RBFOX1: variants seen among roughly 807,000 people sequenced by gnomAD.
RBFOX1 encodes the protein RNA binding fox-1 homolog 1.
In RBFOX1, 8 loss-of-function variants were observed where a neutral mutation model predicts 57.7. That is an observed-to-expected ratio of 0.14 (90% CI 0.08 to 0.25). The LOEUF is 0.25. Ranked by LOEUF, RBFOX1 falls within the 10% of genes least tolerant of loss-of-function variation. The probability of loss-of-function intolerance (pLI) is 1.00; values close to 1 mark genes in which losing one functional copy is unlikely to be tolerated. For synonymous variants in RBFOX1, 326 were observed against 222.4 expected (o/e 1.47, Z -4.15); for missense variants, 611 against 548.5 (o/e 1.11, Z -1.14).
At chr16:5,847,656 A>G (rs985593082) in intron 3 of RBFOX1, among the ~76,000 whole-genome samples, 2 of 152,108 alleles carry the variant, frequency 1.3e-5, no homozygotes, top group East Asian at 1.9e-4. Context: ...GTGAAGCTAT[A>G]TGGCCCTCCG....
intron 4 of RBFOX1, among the ~76,000 whole-genome samples, chr16:7,168,982 CTAAT>C (rs1322872390): frequency 4.6e-5 from 7 of 152,110 alleles, no homozygotes; most frequent in African/African-American, 9.7e-5. Flanking sequence ...TTCTGATACT[CTAAT>C]TAAGAGCAAT....
intron 2 of RBFOX1, among the ~76,000 whole-genome samples, chr16:6,470,389 T>C (rs949747562): frequency 1.3e-5 from 2 of 152,256 alleles, no homozygotes; most frequent in Admixed American, 1.3e-4. Context: ...GAAAGCTTAC[T>C]GATGGCACAG....
chr16:5,263,795 C>A (rs910991998), intron 1 of RBFOX1, among the ~76,000 whole-genome samples: 5 of 152,010 alleles, frequency 3.3e-5, no homozygotes, highest in Middle Eastern at 3.2e-3. Context: ...CTTTGAGATA[C>A]AGAAGAGGTT....
chr16:5,613,596 A>C (rs1409301064), intron 3 of RBFOX1, among the ~76,000 whole-genome samples: 2 of 152,172 alleles, frequency 1.3e-5, no homozygotes, highest in African/African-American at 4.8e-5. Flanking sequence ...CAGCATGTCA[A>C]GTTCATTTGA....
At chr16:6,386,822 T>A (rs1323188647) in intron 2 of RBFOX1, among the ~76,000 whole-genome samples, 2 of 152,048 alleles carry the variant, frequency 1.3e-5, no homozygotes, top group South Asian at 2.1e-4. Context: ...ATTCATGAGA[T>A]GATCAAGGGG....
At chr16:5,675,316 C>A (rs7186077) in intron 3 of RBFOX1, among the ~76,000 whole-genome samples, 1 of 152,072 alleles carries the variant, frequency 6.6e-6, no homozygotes, top group African/African-American at 2.4e-5. Flanking sequence ...TGAACCAGCC[C>A]AGGAAGCTCT....
At chr16:7,145,511 T>C (rs1482421416) in intron 4 of RBFOX1, among the ~76,000 whole-genome samples, 1 of 151,396 alleles carries the variant, frequency 6.6e-6, no homozygotes, top group Non-Finnish European at 1.5e-5. Context: ...CTGGGCTTCT[T>C]CCCCTTTTGC....
intron 10 of RBFOX1, among the ~76,000 whole-genome samples, chr16:7,627,258 A>T (rs2060223960): frequency 6.6e-6 from 1 of 151,616 alleles, no homozygotes; most frequent in African/African-American, 2.4e-5. Flanking sequence ...TGAAGGTTTC[A>T]TCCACTTCAC....
intron 3 of RBFOX1, among the ~76,000 whole-genome samples, chr16:6,711,352 G>T (rs73539509): frequency 7.1e-4 from 108 of 152,224 alleles, no homozygotes; most frequent in African/African-American, 2.6e-3. Flanking sequence ...CCCACATTCT[G>T]GTCCCTACCA....
intron 1 of RBFOX1, among the ~76,000 whole-genome samples, chr16:6,202,471 A>T (rs574611527): frequency 1.3e-5 from 2 of 152,120 alleles, no homozygotes; most frequent in Non-Finnish European, 2.9e-5. Context: ...GGAAAAAAAG[A>T]CTTCACTCAA....
intron 4 of RBFOX1, among the ~76,000 whole-genome samples, chr16:7,437,192 A>G (rs2149762005): frequency 6.6e-6 from 1 of 152,234 alleles, no homozygotes; most frequent in Non-Finnish European, 1.5e-5. Flanking sequence ...GAATTTTCCA[A>G]GTTCACAATC....
chr16:7,678,001 T>C (rs1236496293), intron 14 of RBFOX1, among the ~76,000 whole-genome samples: 1 of 152,152 alleles, frequency 6.6e-6, no homozygotes, highest in Non-Finnish European at 1.5e-5. Context: ...ATTCTTGCAA[T>C]ATAATAAAGC....
At chr16:6,259,446 G>T (rs975701108) in intron 1 of RBFOX1, among the ~76,000 whole-genome samples, 1 of 152,086 alleles carries the variant, frequency 6.6e-6, no homozygotes, top group Non-Finnish European at 1.5e-5. Context: ...ATGTGTCTCT[G>T]TGTCCACTTT....
At chr16:6,761,837 A>T (rs2154199372) in intron 3 of RBFOX1, among the ~76,000 whole-genome samples, 1 of 151,296 alleles carries the variant, frequency 6.6e-6, no homozygotes, top group East Asian at 2.0e-4. Flanking sequence ...CGCCATCCAG[A>T]CTCCAGTCAC....
At chr16:6,011,541 A>C (rs751113061) in intron 4 of RBFOX1, among the ~76,000 whole-genome samples, 1 of 152,326 alleles carries the variant, frequency 6.6e-6, no homozygotes, top group South Asian at 2.1e-4. Flanking sequence ...TGGGAATAGT[A>C]CTACAACTGC....
chr16:6,999,211 TATTTA>T (rs1568299964), intron 3 of RBFOX1, among the ~76,000 whole-genome samples: 2 of 105,476 alleles, frequency 1.9e-5, no homozygotes, highest in African/African-American at 7.6e-5. Context: ...TTTTTATTTT[TATTTA>T]TTTTTTTTAT....
In RBFOX1 at chr16:7,611,399, A is replaced by C. The variant is rs141551257; in HGVS notation, c.676+4061A>C. Among the ~76,000 whole-genome samples, 327 of 152,224 alleles carry C rather than the reference A, an allele frequency of 2.1e-3. 1 individual carries two copies. The highest frequency in any genetic ancestry group is 7.5e-3 in the African/African-American group (311 of 41,538). ...GGAGACCAGCCTGGCCAACATGGTG[A>C]AATCCTGTTTCTACTAAAAATACAA... On this transcript the variant is annotated intron_variant, in intron 10 of 15. Coordinates refer to ENST00000550418, the MANE Select transcript of RBFOX1 (RefSeq NM_018723.4).
At chr16:5,394,075 G>C (rs2066483923) in intron 1 of RBFOX1, among the ~76,000 whole-genome samples, 1 of 151,818 alleles carries the variant, frequency 6.6e-6, no homozygotes, top group Non-Finnish European at 1.5e-5. Flanking sequence ...CCATGTTGGA[G>C]TGCAGTGCTG....
At chr16:6,445,707 C>G (rs1049980289) in intron 2 of RBFOX1, among the ~76,000 whole-genome samples, 1 of 151,838 alleles carries the variant, frequency 6.6e-6, no homozygotes. Context: ...CTCAGCCTCC[C>G]GAGTAGCTGG....
Sources: gnomAD v4.1 joint callset for allele counts (sites outside exome capture counted in the v4.1 genomes callset) on GRCh38, gnomAD v4.1.1 for gene constraint, MANE v1.5 for transcripts, NCBI Gene and HGNC (gene_info 2026-07-23, HGNC 2026-07-21) for gene names.